Variants in PXDNL observed in about 807,000 individuals in gnomAD.
PXDNL encodes the protein peroxidasin like, also known as probable oxidoreductase PXDNL.
PXDNL carries 145 observed loss-of-function variants against 150.8 expected under a neutral mutation model. That is an observed-to-expected ratio of 0.96 (90% CI 0.84 to 1.10). The LOEUF (loss-of-function observed/expected upper bound fraction) is 1.10, where lower values mean the gene tolerates loss of function less well. PXDNL is among the 50% of genes least tolerant of loss of function. PXDNL has a pLI of 0.00. For synonymous variants in PXDNL, 757 were observed against 725.7 expected (o/e 1.04, Z -0.69); for missense variants, 2,087 against 1,873.9 (o/e 1.11, Z -2.10).
intron 2 of PXDNL, among the ~76,000 whole-genome samples, chr8:51,616,450 A>G (rs1460346672): frequency 6.6e-6 from 1 of 152,174 alleles, no homozygotes; most frequent in African/African-American, 2.4e-5. Flanking sequence ...TTCTAGGGAA[A>G]AATACACAGA....
intron 2 of PXDNL, among the ~76,000 whole-genome samples, chr8:51,609,928 G>T (rs1213100840): frequency 6.6e-6 from 1 of 152,192 alleles, no homozygotes; most frequent in African/African-American, 2.4e-5. Context: ...CTGTCCCACT[G>T]TCTATGTTTG....
intron 11 of PXDNL, among the ~76,000 whole-genome samples, chr8:51,448,490 A>G (rs1370165468): frequency 2.6e-5 from 4 of 152,162 alleles, no homozygotes; most frequent in Admixed American, 1.3e-4. Flanking sequence ...GGATCACGAG[A>G]TCAGCAGATT....
At position 51,447,099 on chromosome 8, in the gene PXDNL, C is replaced by T. The variant is rs191212056; in HGVS notation, c.1430G>A (p.Arg477His). The T allele has an allele frequency of 1.4e-4, 228 of 1,613,910 alleles. 2 individuals carry two copies. The East Asian group carries it at 2.5e-3, about 18-fold the overall frequency. Reference protein sequence around the residue: ...VLSSGTLRIDRAAQHDQGQYE... With the variant: ...VLSSGTLRIDHAAQHDQGQYE... The stretch of plus-strand genomic sequence containing the variant: ...TTGGCCTTGATCGTGCTGTGCTGCA[C>T]GGTCAATTCTCAAAGTGCCAGAGGA... Residue 477 changes from arginine to histidine, a missense_variant, in exon 12 of 23, where the codon CGT becomes CAT. Physicochemically the swap from Arg to His is conservative, Grantham distance 29 (BLOSUM62 0). Coordinates refer to ENST00000356297, the MANE Select transcript of PXDNL (RefSeq NM_144651.5).
chr8:51,562,318 C>G (rs1473366996), intron 3 of PXDNL, among the ~76,000 whole-genome samples: 1 of 151,552 alleles, frequency 6.6e-6, no homozygotes, highest in East Asian at 1.9e-4. Context: ...AGACATTAAC[C>G]AACTTATTTT....
intron 3 of PXDNL, among the ~76,000 whole-genome samples, chr8:51,580,547 C>A (rs1229671493): frequency 6.6e-6 from 1 of 152,124 alleles, no homozygotes; most frequent in African/African-American, 2.4e-5. Context: ...TTGTTCCACA[C>A]ATCTGTTCAT....
At chr8:51,772,792 C>T (rs1226347384) in intron 1 of PXDNL, among the ~76,000 whole-genome samples, 1 of 152,108 alleles carries the variant, frequency 6.6e-6, no homozygotes, top group African/African-American at 2.4e-5. Flanking sequence ...TTAGAGTCAC[C>T]ATAGAACCAA....
chr8:51,343,814 G>A (rs117814964), intron 20 of PXDNL, among the ~76,000 whole-genome samples: 3 of 152,234 alleles, frequency 2.0e-5, no homozygotes, highest in Non-Finnish European at 4.4e-5. Context: ...CGCTTCACCT[G>A]AATCAATGGA....
At chr8:51,590,104 G>A (rs770112199) in intron 3 of PXDNL, among the ~76,000 whole-genome samples, 6 of 152,082 alleles carry the variant, frequency 3.9e-5, no homozygotes, top group Non-Finnish European at 7.4e-5. Flanking sequence ...TGCTTCCTGT[G>A]TTCCAGCACA....
intron 17 of PXDNL, among the ~76,000 whole-genome samples, chr8:51,406,123 T>C (rs1008809683): frequency 6.6e-6 from 1 of 152,200 alleles, no homozygotes; most frequent in Non-Finnish European, 1.5e-5. Context: ...TTAGGAGGAA[T>C]TTGGGACAGG....
chr8:51,565,697 T>A (rs1208058074), intron 3 of PXDNL, among the ~76,000 whole-genome samples: 2 of 151,894 alleles, frequency 1.3e-5, no homozygotes, highest in African/African-American at 2.4e-5. Context: ...CAAAAAATTA[T>A]TAAAATATTT....
intron 17 of PXDNL, among the ~76,000 whole-genome samples, chr8:51,400,814 A>T (rs1184543631): frequency 6.6e-6 from 1 of 152,244 alleles, no homozygotes; most frequent in Non-Finnish European, 1.5e-5. Context: ...ATTATAATAC[A>T]TCATAGTTCA....
At chr8:51,599,815 T>C (rs1354562636) in intron 2 of PXDNL, among the ~76,000 whole-genome samples, 1 of 142,640 alleles carries the variant, frequency 7.0e-6, no homozygotes, top group Non-Finnish European at 1.5e-5. Context: ...TTATACCTTA[T>C]ATAAATGACA....
chr8:51,722,744 G>A (rs1327013788), intron 1 of PXDNL, among the ~76,000 whole-genome samples: 1 of 152,104 alleles, frequency 6.6e-6, no homozygotes, highest in Non-Finnish European at 1.5e-5. Flanking sequence ...CCATTCTTCT[G>A]CTCTTCTGTT....
At chr8:51,488,557 G>C (rs1810819156) in intron 5 of PXDNL, among the ~76,000 whole-genome samples, 1 of 152,162 alleles carries the variant, frequency 6.6e-6, no homozygotes, top group Non-Finnish European at 1.5e-5. Flanking sequence ...AAGAAGAAAA[G>C]TAACGGAATT....
intron 21 of PXDNL, among the ~76,000 whole-genome samples, chr8:51,331,884 C>T (rs1479128553): frequency 6.6e-6 from 1 of 152,148 alleles, no homozygotes; most frequent in East Asian, 1.9e-4. Context: ...CGGCCCCCAA[C>T]TGATGGTCCC....
At chr8:51,455,591 A>C (rs1367818) in intron 9 of PXDNL, among the ~76,000 whole-genome samples, 29,199 of 152,120 alleles carry the variant, frequency 0.19, 3,575 homozygotes, top group African/African-American at 0.35. Flanking sequence ...GGAACACCAC[A>C]TTTTAGGCAG....
chr8:51,684,989 G>T (rs1283992243), intron 1 of PXDNL, among the ~76,000 whole-genome samples: 1 of 152,222 alleles, frequency 6.6e-6, no homozygotes, highest in African/African-American at 2.4e-5. Context: ...GCCATGGGAT[G>T]CCCAGACAGC....
intron 10 of PXDNL, among the ~76,000 whole-genome samples, chr8:51,452,348 A>C (rs989592971): frequency 3.2e-4 from 49 of 152,302 alleles, no homozygotes; most frequent in African/African-American, 1.1e-3. Context: ...AAAATATTTC[A>C]TTTCTGTGCC....
intron 17 of PXDNL, among the ~76,000 whole-genome samples, chr8:51,385,483 A>C (rs1243164801): frequency 6.6e-6 from 1 of 152,232 alleles, no homozygotes; most frequent in Non-Finnish European, 1.5e-5. Context: ...TTAAAGATTA[A>C]CTTTCCATTC....
Sources: allele counts gnomAD v4.1 joint callset (sites outside exome capture counted in the v4.1 genomes callset), GRCh38; gene constraint gnomAD v4.1.1; transcripts MANE v1.5; gene names NCBI Gene and HGNC (gene_info 2026-07-23, HGNC 2026-07-21).